ATL3: variants seen among roughly 807,000 people sequenced by gnomAD.
ATL3 encodes the protein atlastin-3.
A neutral mutation model predicts 69.5 loss-of-function variants in ATL3; 49 were observed. The observed-to-expected ratio is 0.71, with a 90% CI of 0.56 to 0.89. ATL3 has a LOEUF of 0.89. Ranked by LOEUF, ATL3 falls within the 40% of genes least tolerant of loss-of-function variation. The pLI, the probability that ATL3 is intolerant of heterozygous loss-of-function variation, is 0.00. For synonymous variants in ATL3, 214 were observed against 224.1 expected (o/e 0.95, Z 0.40); for missense variants, 606 against 645.7 (o/e 0.94, Z 0.67).
At chr11:63,635,156 G>T (rs1939472908) in intron 10 of ATL3, among the ~76,000 whole-genome samples, 1 of 151,856 alleles carries the variant, frequency 6.6e-6, no homozygotes, top group Non-Finnish European at 1.5e-5. Flanking sequence ...TGAGACTCTT[G>T]TCTCAAAAAA....
Position 63,628,741 on chromosome 11 carries a change from C to T in ATL3, c.*578G>A. ...GTCCCAGCTACTTGGGAGGCTGAGG[C>T]AGGAGAACTGCTTGAACCCGGCAGG... is the stretch of plus-strand genomic sequence containing the variant. On this transcript the variant is annotated 3_prime_UTR_variant, in exon 13 of 13. Transcript: ENST00000398868. 6.8e-6 allele frequency: 1 copy of T among 147,160 alleles called. No individual in the cohort carries two copies. The allele number at this position is 147,160 out of a possible 1,614,324, so 9.1% of individuals were successfully genotyped here.
At chr11:63,661,619 C>T (rs1040996631) in intron 1 of ATL3, among the ~76,000 whole-genome samples, 14 of 151,914 alleles carry the variant, frequency 9.2e-5, no homozygotes, top group African/African-American at 3.1e-4. Context: ...GCCGGGCGTG[C>T]TGGCTCACCT....
chr11:63,663,831 C>T (rs1206074910), intron 1 of ATL3, among the ~76,000 whole-genome samples: 2 of 152,168 alleles, frequency 1.3e-5, no homozygotes, highest in African/African-American at 4.8e-5. Context: ...CATACAACTG[C>T]CCAGAAGAAA....
chr11:63,671,622 G>A, upstream of ATL3: 2 of 1,421,370 alleles, frequency 1.4e-6, no homozygotes, highest in East Asian at 3.2e-5. Context: ...TGCGCGAAGC[G>A]AGCCGCCGGG....
chr11:63,632,791 T>C (rs1309249362), intron 11 of ATL3: 10 of 790,900 alleles, frequency 1.3e-5, no homozygotes, highest in Non-Finnish European at 2.1e-5. Flanking sequence ...CCATTGAAAC[T>C]ATGTACTTAC....
chr11:63,650,194 C>T (rs1233380432), intron 5 of ATL3, among the ~76,000 whole-genome samples: 5 of 151,916 alleles, frequency 3.3e-5, no homozygotes, highest in Admixed American at 6.6e-5. Flanking sequence ...TATAACACAC[C>T]GCAGTATCTA....
At chr11:63,638,752 T>C (rs1356579900) in intron 8 of ATL3, among the ~76,000 whole-genome samples, 1 of 150,074 alleles carries the variant, frequency 6.7e-6, no homozygotes, top group Non-Finnish European at 1.5e-5. Context: ...TCAGCAGCTA[T>C]TCTAGCTAAT....
At chr11:63,654,345 C>T (rs1409285890) in intron 3 of ATL3, among the ~76,000 whole-genome samples, 1 of 151,884 alleles carries the variant, frequency 6.6e-6, no homozygotes, top group Non-Finnish European at 1.5e-5. Flanking sequence ...CGGGGTTTCA[C>T]TGTGTTAGCC....
intron 1 of ATL3, among the ~76,000 whole-genome samples, chr11:63,661,904 A>G (rs550191497): frequency 1.3e-5 from 2 of 150,996 alleles, no homozygotes; most frequent in South Asian, 4.2e-4. Flanking sequence ...AAAAAAGTGA[A>G]AAGAAAGCAA....
intron 5 of ATL3, 70 bp downstream of exon 5, chr11:63,651,866 T>C: frequency 3.3e-6 from 5 of 1,522,390 alleles, no homozygotes; most frequent in Non-Finnish European, 4.4e-6. Flanking sequence ...AACTACTCAG[T>C]TGTAAAATGT....
intron 3 of ATL3, among the ~76,000 whole-genome samples, chr11:63,655,726 G>A (rs1331531403): frequency 4.0e-5 from 6 of 151,862 alleles, no homozygotes; most frequent in African/African-American, 1.2e-4. Context: ...GATTACAGAC[G>A]TGCGCCACCG....
At chr11:63,639,001 A>C (rs927910550) in intron 8 of ATL3, among the ~76,000 whole-genome samples, 2 of 152,236 alleles carry the variant, frequency 1.3e-5, no homozygotes, top group African/African-American at 4.8e-5. Flanking sequence ...TAACAACCTC[A>C]GGCTAATGTC....
In ATL3 at chr11:63,631,157, G is replaced by A; in HGVS notation, c.1422C>T (p.Asn474=). 1.9e-6 allele frequency: 3 copies of A among 1,614,204 alleles called. No individual in the cohort carries two copies. The highest frequency in any genetic ancestry group is 2.5e-6 in the Non-Finnish European group (3 of 1,180,044). Residue 474 remains asparagine, a synonymous_variant, in exon 12 of 13, where the codon AAC becomes AAT. Transcript: ENST00000398868. ...CTATTAACAGTAGTCCAACCATACA[G>A]TTGAACAACTGGGCTACAACCTCAA... is the stretch of plus-strand genomic sequence containing the variant. ...IGLEVVAQLF[N]CMVGLLLIAL...
chr11:63,632,868 G>C, intron 11 of ATL3, 158 bp downstream of exon 11: 1 of 769,908 alleles, frequency 1.3e-6, no homozygotes, highest in Admixed American at 2.8e-5. Flanking sequence ...ACAAAGAAAT[G>C]GTAATAATTA....
chr11:63,633,197 T>C (rs1939385081), intron 10 of ATL3, 100 bp from the exon 11 acceptor site: 2 of 905,710 alleles, frequency 2.2e-6, no homozygotes, highest in South Asian at 3.1e-5. Context: ...TTCTTCCTTT[T>C]TTATTAACCT....
At chr11:63,645,552 G>GAGAGAGAGAC (rs1565275458) in intron 6 of ATL3, among the ~76,000 whole-genome samples, 2 of 150,312 alleles carry the variant, frequency 1.3e-5, no homozygotes, top group African/African-American at 4.9e-5. Context: ...GAGAGAGAGA[G>GAGAGAGAGAC]AGAGAGAGAG....
At chr11:63,645,739 G>A (rs1176789161) in intron 6 of ATL3, among the ~76,000 whole-genome samples, 1 of 151,772 alleles carries the variant, frequency 6.6e-6, no homozygotes, top group African/African-American at 2.4e-5. Flanking sequence ...CTACAGGCGT[G>A]CACGACCTTT....
chr11:63,643,462 C>G lies in ATL3; in HGVS notation c.745G>C (p.Val249Leu). 6.2e-7 allele frequency: 1 copy of G among 1,612,558 alleles called. No homozygotes were observed. The highest frequency in any genetic ancestry group is 8.5e-7 in the Non-Finnish European group (1 of 1,179,322). Residue 249 changes from valine to leucine, a missense_variant, in exon 8 of 13, where the codon GTT becomes CTT. Coordinates refer to ENST00000398868, the MANE Select transcript of ATL3 (RefSeq NM_015459.5). ...AAACATGAGTGAATGTGATTTCGAA[C>G]ATTCTGAATTTCTTCATGTTGATGT... Reference protein sequence around the residue: ...KEHQHEEIQNVRNHIHSCFSD... With the variant: ...KEHQHEEIQNLRNHIHSCFSD...
At position 63,636,217 on chromosome 11, in the gene ATL3, T is replaced by G. The variant is rs1231801391; in HGVS notation, c.968A>C (p.Glu323Ala). Residue 323 changes from glutamate (E) to alanine (A), a missense_variant, in exon 9 of 13, where the codon GAG becomes GCG. Physicochemically the swap from Glu to Ala is moderately radical, Grantham distance 107. Transcript: ENST00000398868. Reference sequence around the variant, plus strand: ...AAAACCCATATTTACCTTAAAATACTCCAGTAGTCCCCGACAGGTGACCTT... The same window carrying G: ...AAAACCCATATTTACCTTAAAATACGCCAGTAGTCCCCGACAGGTGACCTT... ...GSKVTCRGLL[E>A]YFKAYIKIYQ... 1.9e-6 allele frequency: 3 copies of G among 1,613,846 alleles called. No individual in the cohort carries two copies. The highest frequency in any genetic ancestry group is 2.5e-6 in the Non-Finnish European group (3 of 1,179,966).
Sources: allele counts gnomAD v4.1 joint callset (sites outside exome capture counted in the v4.1 genomes callset), GRCh38; gene constraint gnomAD v4.1.1; transcripts MANE v1.5; gene names NCBI Gene and HGNC (gene_info 2026-07-23, HGNC 2026-07-21).